Variants in MEI1 observed in about 807,000 individuals in gnomAD.
MEI1 encodes the protein meiosis inhibitor protein 1.
Under a neutral mutation model 146.2 loss-of-function variants are expected in MEI1, and 103 were observed. The observed-to-expected ratio is 0.70, with a 90% CI of 0.60 to 0.83. The LOEUF (loss-of-function observed/expected upper bound fraction) is 0.83, where lower values mean the gene tolerates loss of function less well. Ranked by LOEUF, MEI1 falls within the 40% of genes least tolerant of loss-of-function variation. The probability of loss-of-function intolerance (pLI) is 0.00; values close to 1 mark genes in which losing one functional copy is unlikely to be tolerated. For missense variants in MEI1, 1,529 were observed against 1,533.0 expected (o/e 1.00, Z 0.04); for synonymous variants, 652 against 628.2 (o/e 1.04, Z -0.57).
At chr22:41,739,625 A>G (rs1164380816) in intron 11 of MEI1, among the ~76,000 whole-genome samples, 1 of 150,376 alleles carries the variant, frequency 6.6e-6, no homozygotes, top group Non-Finnish European at 1.5e-5. Flanking sequence ...CCTTCCCTGA[A>G]TTTGAATCTC....
chr22:41,705,629 C>G, intron 3 of MEI1, 75 bp downstream of exon 3: 2 of 1,319,530 alleles, frequency 1.5e-6, no homozygotes, highest in Non-Finnish European at 2.2e-6. Flanking sequence ...TACTTGAGAC[C>G]TTGGCGAAAT....
At chr22:41,702,079 A>G (rs2068753563) in intron 1 of MEI1, among the ~76,000 whole-genome samples, 1 of 152,216 alleles carries the variant, frequency 6.6e-6, no homozygotes, top group Non-Finnish European at 1.5e-5. Flanking sequence ...TGGTGAAGGA[A>G]AAACAGGAGC....
At chr22:41,731,875 G>C (rs1201640718) in intron 9 of MEI1, among the ~76,000 whole-genome samples, 4 of 152,134 alleles carry the variant, frequency 2.6e-5, no homozygotes, top group Non-Finnish European at 5.9e-5. Context: ...GGGGGCTCAG[G>C]GGAGGTTCAC....
intron 3 of MEI1, among the ~76,000 whole-genome samples, chr22:41,705,941 C>T (rs1458932812): frequency 6.6e-6 from 1 of 152,126 alleles, no homozygotes; most frequent in Non-Finnish European, 1.5e-5. Context: ...CTCCTGACCT[C>T]AGGCGATCTG....
chr22:41,760,339 AT>A (rs2074400458), intron 18 of MEI1, among the ~76,000 whole-genome samples: 1 of 150,752 alleles, frequency 6.6e-6, no homozygotes, highest in Admixed American at 6.6e-5. Context: ...AATAAAAAAA[AT>A]AAAAATGAAA....
In MEI1 at chr22:41,780,674, G is replaced by T. The variant is rs904609424; in HGVS notation, c.2816-610G>T. On this transcript the variant is annotated intron_variant, in intron 22 of 30. Coordinates refer to ENST00000401548, the MANE Select transcript of MEI1 (RefSeq NM_152513.4). ...CTGCTCACTGCAGCCTCTACCTCTC[G>T]GGCTCAGGCGATCCTTCCACCTCAG... is the stretch of plus-strand genomic sequence containing the variant. Among the ~76,000 whole-genome samples, 4 of 149,364 alleles carry T rather than the reference G, an allele frequency of 2.7e-5. No homozygotes were observed. The East Asian group carries it at 7.8e-4, about 29-fold the overall frequency.
Position 41,799,410 on chromosome 22 carries a change from C to A in MEI1, c.*111C>A. ...GAAGCTATTCATATGGAGCCATATA[C>A]TCTATTGTTGAAATAGAATAAGGAA... On this transcript the variant is annotated 3_prime_UTR_variant, in exon 31 of 31. Transcript: ENST00000401548. The A allele has an allele frequency of 1.0e-6, 1 of 997,448 alleles. No individual in the cohort carries two copies. Among genetic ancestry groups the A allele is most frequent in the Non-Finnish European group, 1.5e-6 (1 of 650,398 alleles). 61.8% of individuals were successfully genotyped at this position (997,448 alleles called of 1,614,324 possible).
intron 3 of MEI1, among the ~76,000 whole-genome samples, chr22:41,708,338 G>A (rs565870168): frequency 6.6e-6 from 1 of 151,268 alleles, no homozygotes; most frequent in South Asian, 2.1e-4. Flanking sequence ...TTCAACGAGG[G>A]TCTCAACTGG....
intron 20 of MEI1, among the ~76,000 whole-genome samples, chr22:41,775,539 T>C (rs780087002): frequency 3.4e-4 from 52 of 152,194 alleles, no homozygotes; most frequent in Admixed American, 1.3e-3. Flanking sequence ...AGTCATGTAA[T>C]CTCTCTGAGC....
At chr22:41,714,322 T>G (rs944314213) in intron 4 of MEI1, among the ~76,000 whole-genome samples, 1 of 152,220 alleles carries the variant, frequency 6.6e-6, no homozygotes, top group African/African-American at 2.4e-5. Context: ...GTGCCATCTT[T>G]CTGGCATAAT....
At chr22:41,783,107 C>A (rs8141783) in intron 24 of MEI1, among the ~76,000 whole-genome samples, 5,309 of 152,238 alleles carry the variant, frequency 0.035, 210 homozygotes, top group African/African-American at 0.096. Flanking sequence ...TCTGGCCAGG[C>A]ATTTGTGCTT....
At chr22:41,713,884 A>G (rs2069844711) in intron 3 of MEI1, 118 bp from the exon 4 acceptor site, 2 of 783,116 alleles carry the variant, frequency 2.6e-6, no homozygotes, top group Non-Finnish European at 4.2e-6. Context: ...ATAGAAAAGT[A>G]TAATACCAAT....
At chr22:41,712,500 G>A (rs944537436) in intron 3 of MEI1, among the ~76,000 whole-genome samples, 27 of 152,016 alleles carry the variant, frequency 1.8e-4, no homozygotes, top group Admixed American at 1.7e-3. Flanking sequence ...CTCCCAAAGT[G>A]CTGGGATTAC....
In MEI1 at chr22:41,795,993, G is replaced by T; in HGVS notation, c.3779+146G>T. The T allele has an allele frequency of 6.2e-7, 1 of 1,609,668 alleles. No individual in the cohort carries two copies. Among genetic ancestry groups the T allele is most frequent in the Non-Finnish European group, 8.5e-7 (1 of 1,177,748 alleles). On this transcript the variant is annotated intron_variant, in intron 30 of 30. Coordinates refer to ENST00000401548, the MANE Select transcript of MEI1 (RefSeq NM_152513.4). This position sits in a 1 kb window ranked among gnomAD's most constrained non-coding sequence, Gnocchi z 4.2. ...TGATGTTCTGCAAGGTGTGGCTTTG[G>T]CTGACCTGTCTTGGCCTGGGCAAGC...
intron 7 of MEI1, among the ~76,000 whole-genome samples, chr22:41,727,219 C>T (rs1272437726): frequency 6.6e-6 from 1 of 152,046 alleles, no homozygotes; most frequent in African/African-American, 2.4e-5. Flanking sequence ...TCTACTTGGT[C>T]CTTTTTCTTA....
At chr22:41,708,242 A>G (rs1424518251) in intron 3 of MEI1, among the ~76,000 whole-genome samples, 2 of 152,200 alleles carry the variant, frequency 1.3e-5, no homozygotes, top group Non-Finnish European at 2.9e-5. Context: ...ATATATTACA[A>G]TCTTCATTTT....
At chr22:41,745,131 G>T in intron 13 of MEI1, 67 bp downstream of exon 13, 1 of 1,138,126 alleles carries the variant, frequency 8.8e-7, no homozygotes, top group South Asian at 1.8e-5. Flanking sequence ...TCAGACAATG[G>T]GTGAAGTTCT....
At chr22:41,778,277 G>A (rs2075571719) in intron 21 of MEI1, among the ~76,000 whole-genome samples, 1 of 148,612 alleles carries the variant, frequency 6.7e-6, no homozygotes, top group African/African-American at 2.4e-5. Flanking sequence ...ATCTACCAAA[G>A]GCCTCACTTC....
At chr22:41,716,686 CTTTT>C (rs55994680) in intron 5 of MEI1, among the ~76,000 whole-genome samples, 3 of 108,148 alleles carry the variant, frequency 2.8e-5, no homozygotes, top group Non-Finnish European at 5.4e-5. Flanking sequence ...TCCATTCATT[CTTTT>C]TTTTTTTTTT....
Sources: allele counts gnomAD v4.1 joint callset (sites outside exome capture counted in the v4.1 genomes callset), GRCh38; gene constraint gnomAD v4.1.1; non-coding constraint Gnocchi (gnomAD v3.1); transcripts MANE v1.5; gene names NCBI Gene and HGNC (gene_info 2026-07-23, HGNC 2026-07-21).